SHOC1: variants seen among roughly 807,000 people sequenced by gnomAD.
SHOC1 encodes shortage in chiasmata 1.
Under a neutral mutation model 179.2 loss-of-function variants are expected in SHOC1, and 136 were observed. The ratio of observed to expected loss-of-function variants is 0.76; its 90% confidence interval spans 0.66 to 0.87. The LOEUF is 0.87. Among genes scored for constraint, SHOC1 ranks in the 40% least tolerant of loss-of-function variants. The pLI is 0.00. For missense variants in SHOC1, 1,538 were observed against 1,700.8 expected, an observed-to-expected ratio of 0.90 and a Z score of 1.68; for synonymous variants, 489 against 586.6, an observed-to-expected ratio of 0.83 and a Z score of 2.41.
Position 111,748,638 on chromosome 9 carries a change from C to T in SHOC1, c.863-439G>A, listed in dbSNP as rs913255374. 1.2e-4 allele frequency among the ~76,000 whole-genome samples: 19 copies of T among 152,136 alleles called. No individual in the cohort carries two copies. In the East Asian group the frequency reaches 3.7e-3, roughly 29 times the overall value. ...TGGCTTTCTTTTTTCTTTCTTTTAT[C>T]TCCCTTCTTCCCTCCCTCCCTCTCT... On this transcript the variant is annotated intron_variant, in intron 8 of 27. Coordinates refer to ENST00000682961, the MANE Select transcript of SHOC1 (RefSeq NM_001378211.1).
chr9:111,707,755 C>G (rs1346927801), intron 19 of SHOC1, 100 bp downstream of exon 19: 2 of 791,552 alleles, frequency 2.5e-6, no homozygotes, highest in East Asian at 5.5e-5. Context: ...TGCTTAATTT[C>G]AGATTTTGTT....
intron 1 of SHOC1, among the ~76,000 whole-genome samples, chr9:111,792,307 G>T (rs1836474110): frequency 6.6e-6 from 1 of 152,170 alleles, no homozygotes; most frequent in Non-Finnish European, 1.5e-5. Context: ...TCCAGGCCAG[G>T]CATGTTGGCT....
chr9:111,738,809 G>A (rs1007695471), intron 11 of SHOC1, among the ~76,000 whole-genome samples: 2 of 152,108 alleles, frequency 1.3e-5, no homozygotes, highest in Admixed American at 1.3e-4. Context: ...ATCTTATTTT[G>A]TTTGACCATT....
intron 16 of SHOC1, among the ~76,000 whole-genome samples, chr9:111,717,594 C>CA (rs35014939): frequency 0.1 from 6,830 of 67,696 alleles, 475 homozygotes; most frequent in African/African-American, 0.23. Context: ...AACTCTGTCT[C>CA]AAAAAAAAAA....
intron 16 of SHOC1, 56 bp from the exon 17 acceptor site, chr9:111,714,679 C>G: frequency 6.9e-7 from 1 of 1,455,586 alleles, no homozygotes; most frequent in Non-Finnish European, 9.3e-7. Context: ...TAAGAAACTC[C>G]GTGGTAAAAA....
chr9:111,755,408 G>A (rs1419422277), intron 8 of SHOC1, among the ~76,000 whole-genome samples: 1 of 152,142 alleles, frequency 6.6e-6, no homozygotes, highest in Non-Finnish European at 1.5e-5. Flanking sequence ...GTCTGTTCAT[G>A]GCAAGCATCC....
At chr9:111,794,757 C>T (rs1334694432) in intron 1 of SHOC1, 143 bp downstream of exon 1, 1 of 152,290 alleles carries the variant, frequency 6.6e-6, no homozygotes, top group Non-Finnish European at 1.5e-5. Context: ...TTTGTCTCTA[C>T]AGAGCCACAT....
intron 11 of SHOC1, among the ~76,000 whole-genome samples, chr9:111,738,908 A>G (rs1243669129): frequency 1.3e-5 from 2 of 152,198 alleles, no homozygotes; most frequent in East Asian, 3.8e-4. Context: ...AGCCTAAACA[A>G]GAAGAAATAT....
intron 13 of SHOC1, among the ~76,000 whole-genome samples, chr9:111,727,428 A>G (rs945389894): frequency 2.6e-5 from 4 of 152,180 alleles, no homozygotes; most frequent in African/African-American, 9.6e-5. Context: ...TTTTTGAAAC[A>G]TATGTATCTG....
At chr9:111,730,444 G>A (rs1471295892) in intron 12 of SHOC1, among the ~76,000 whole-genome samples, 1 of 152,086 alleles carries the variant, frequency 6.6e-6, no homozygotes, top group Admixed American at 6.5e-5. Context: ...TTGATCCATG[G>A]GCTGCAGAAT....
chr9:111,794,526 G>A (rs966500234), intron 1 of SHOC1, among the ~76,000 whole-genome samples: 2 of 152,188 alleles, frequency 1.3e-5, no homozygotes, highest in Admixed American at 6.5e-5. Flanking sequence ...AGAGGTTGCA[G>A]TGAACCGAGA....
rs779445148 is a variant in SHOC1, at chr9:111,738,310, AT to A, written c.1386del (p.Leu464CysfsTer8). Reference protein sequence around the residue: ...NLSSNDTKIEIFLPTKVLQLE... With the variant: ...NLSSNDTKIEXFLPTKVLQLE... The stretch of plus-strand genomic sequence containing the variant: ...AATTGAAGCACTTTCGTAGGCAAAA[AT>A]ATCTCAATTTTAGTGTCATTAGAAG... On this transcript the variant is annotated frameshift_variant, in exon 12 of 28. Transcript: ENST00000682961. LOFTEE classifies it high-confidence loss of function. 2.5e-6 allele frequency: 4 copies of A among 1,611,888 alleles called. No homozygotes were observed. The highest frequency in any genetic ancestry group is 2.7e-5 in the African/African-American group (2 of 74,968).
intron 9 of SHOC1, among the ~76,000 whole-genome samples, 189 bp downstream of exon 9, chr9:111,747,903 C>T: frequency 6.6e-6 from 1 of 151,832 alleles, no homozygotes; most frequent in Non-Finnish European, 1.5e-5. Flanking sequence ...AGTTTTGATG[C>T]CAGTAGAATT....
chr9:111,727,548 T>C (rs1201637289), intron 13 of SHOC1, 85 bp downstream of exon 13: 1 of 1,203,100 alleles, frequency 8.3e-7, no homozygotes, highest in African/African-American at 1.5e-5. Context: ...CTAGAAGAAC[T>C]TTATCTCCTT....
At chr9:111,758,252 A>G in intron 6 of SHOC1, 57 bp from the exon 7 acceptor site, 1 of 909,136 alleles carries the variant, frequency 1.1e-6, no homozygotes. Flanking sequence ...TACTAAATGT[A>G]GCCAACCAAA....
intron 20 of SHOC1, 51 bp from the exon 21 acceptor site, chr9:111,705,415 C>A (rs766373767): frequency 2.5e-6 from 2 of 808,992 alleles, no homozygotes; most frequent in South Asian, 5.3e-5. Flanking sequence ...CATCTCCCAG[C>A]TCTTTCTCTT....
At chr9:111,741,790 CCTGA>C (rs1178481948) in intron 10 of SHOC1, among the ~76,000 whole-genome samples, 1 of 152,042 alleles carries the variant, frequency 6.6e-6, no homozygotes, top group East Asian at 1.9e-4. Flanking sequence ...TGCCACCATG[CCTGA>C]CTAATTTTTG....
Position 111,722,508 on chromosome 9 carries a change from G to A in SHOC1, c.2032C>T (p.Leu678Phe), listed in dbSNP as rs751372373. The A allele has an allele frequency of 1.9e-6, 3 of 1,612,446 alleles. No individual in the cohort carries two copies. Among genetic ancestry groups the A allele is most frequent in the African/African-American group, 1.3e-5 (1 of 74,980 alleles). The change falls in exon 15 of 28, where the codon CTC becomes TTC. Residue 678 changes from leucine (L) to phenylalanine (F), a missense_variant. Physicochemically the swap from Leu to Phe is conservative, Grantham distance 22. Transcript: ENST00000682961. ...ILKNLVSLCTLPTANWKFATV... is the reference protein window; with the variant it reads ...ILKNLVSLCTFPTANWKFATV... ...GCAAATTTCCAATTAGCAGTAGGGA[G>A]GGTACACAAGGATACAAGGTTTTTT...
intron 5 of SHOC1, among the ~76,000 whole-genome samples, chr9:111,769,715 C>A (rs1344634912): frequency 6.6e-6 from 1 of 152,168 alleles, no homozygotes; most frequent in African/African-American, 2.4e-5. Flanking sequence ...AGTGATCCAC[C>A]CACCTCAGCC....
Sources: allele counts gnomAD v4.1 joint callset (sites outside exome capture counted in the v4.1 genomes callset), GRCh38; gene constraint gnomAD v4.1.1; transcripts MANE v1.5; gene names NCBI Gene and HGNC (gene_info 2026-07-23, HGNC 2026-07-21).